Variants in ZNF208 observed in about 807,000 individuals in gnomAD.
ZNF208 encodes zinc finger protein 95.
A neutral mutation model predicts 12.1 loss-of-function variants in ZNF208; 10 were observed. The ratio of observed to expected loss-of-function variants is 0.83; its 90% CI spans 0.51 to 1.40. ZNF208 has a LOEUF of 1.40. Among genes scored for constraint, ZNF208 ranks in the 40% most tolerant of loss-of-function variants. The probability of loss-of-function intolerance (pLI) is 0.00; values close to 1 mark genes in which losing one functional copy is unlikely to be tolerated. For synonymous variants in ZNF208, 497 were observed against 488.4 expected (o/e 1.02, Z -0.23); for missense variants, 1,652 against 1,485.0 (o/e 1.11, Z -1.85).
intron 1 of ZNF208, among the ~76,000 whole-genome samples, chr19:22,002,945 A>G (rs1410984425): frequency 2.0e-5 from 3 of 152,198 alleles, no homozygotes; most frequent in African/African-American, 7.2e-5. Flanking sequence ...CTGACTTCAA[A>G]CTACACAACA....
At chr19:21,957,726 T>A (rs1416916300) in intron 4 of ZNF208, among the ~76,000 whole-genome samples, 1 of 152,216 alleles carries the variant, frequency 6.6e-6, no homozygotes, top group African/African-American at 2.4e-5. Context: ...GAGAGATAGT[T>A]ACTCTTGCTG....
At chr19:22,001,391 C>T (rs954416548) in intron 1 of ZNF208, among the ~76,000 whole-genome samples, 8 of 152,074 alleles carry the variant, frequency 5.3e-5, no homozygotes, top group African/African-American at 1.9e-4. Flanking sequence ...AAGCTCAGGA[C>T]CAGACATACT....
At chr19:21,965,800 G>GAAAA (rs141202375), downstream of ZNF208, 1 of 145,796 alleles carries the variant, frequency 6.9e-6, no homozygotes, top group African/African-American at 2.5e-5. Context: ...AGTTCATTCT[G>GAAAA]AAAAAAAAAA....
In ZNF208 at chr19:21,943,550, ATACACAGGAGGATCCTGATCCTCAAC is replaced by A. The variant is rs1386700005; in HGVS notation, c.306-10339_306-10314del. Among the ~76,000 whole-genome samples the A allele has an allele frequency of 7.2e-5, 11 of 152,368 alleles. No individual in the cohort carries two copies. The South Asian group carries it at 2.3e-3, about 32-fold the overall frequency. ...AAGAATAATAAATGTAAAAGTCTTTATACACAGGAGGATCCTGATCCTCAACTAAACATATGTGGCAACCCATTCCT... is the reference window on the plus strand; with the variant it reads ...AAGAATAATAAATGTAAAAGTCTTTATAAACATATGTGGCAACCCATTCCT... On this transcript the variant is annotated intron_variant, in intron 4 of 4. Coordinates refer to the ZNF208 transcript ENST00000599916.
chr19:21,982,804 T>C (rs1342633980), intron 3 of ZNF208, among the ~76,000 whole-genome samples: 8 of 152,166 alleles, frequency 5.3e-5, no homozygotes, highest in Admixed American at 5.2e-4. Context: ...AAAAACTGGC[T>C]AGCCATATGC....
At chr19:21,975,318 C>T (rs753985054) in intron 3 of ZNF208, among the ~76,000 whole-genome samples, 1 of 152,164 alleles carries the variant, frequency 6.6e-6, no homozygotes, top group South Asian at 2.1e-4. Context: ...CAGTTTGAGT[C>T]TGCTGAGACC....
rs372068312 is a variant in ZNF208 at position 21,972,535 on chromosome 19, G to A, written c.2499C>T (p.Tyr833=). Residue 833 remains tyrosine (Y), a synonymous_variant, in exon 4 of 4, where the codon TAC becomes TAT. Coordinates refer to ENST00000397126, the MANE Select transcript of ZNF208 (RefSeq NM_007153.3). Reference sequence around the variant, plus strand: ...AGGCTTTGCCACATTCTTTACATTTGTAGGGCTTTTCTCCAGCATGAATTG... The same window carrying A: ...AGGCTTTGCCACATTCTTTACATTTATAGGGCTTTTCTCCAGCATGAATTG... ...HKAIHAGEKP[Y]KCKECGKAFS... is the part of the protein sequence containing the mutation. The A allele has an allele frequency of 6.2e-7, 1 of 1,613,116 alleles. No homozygotes were observed. Among genetic ancestry groups the A allele is most frequent in the East Asian group, 2.2e-5 (1 of 44,794 alleles).
At chr19:21,956,183 A>G (rs1969972715) in intron 4 of ZNF208, among the ~76,000 whole-genome samples, 1 of 152,154 alleles carries the variant, frequency 6.6e-6, no homozygotes, top group Non-Finnish European at 1.5e-5. Flanking sequence ...TTGCTGCCTG[A>G]TCCTTCCTCT....
chr19:21,973,953 C>T lies in ZNF208; in HGVS notation c.1081G>A (p.Val361Ile). 1 of 1,612,630 alleles carries T rather than the reference C, an allele frequency of 6.2e-7. No individual in the cohort carries two copies. The highest frequency in any genetic ancestry group is 1.1e-5 in the South Asian group (1 of 90,962). Residue 361 changes from valine to isoleucine, a missense_variant, in exon 4 of 4, where the codon GTA becomes ATA. Physicochemically the swap from Val to Ile is conservative, Grantham distance 29. Coordinates refer to ENST00000397126, the MANE Select transcript of ZNF208 (RefSeq NM_007153.3). ...TAGGGTTTCTCTCCAGTATGAATTA[C>T]CTTATGTTTAGTAAGGATTGAGAAC... ...SKFSILTKHK[V>I]IHTGEKPYKC...
intron 4 of ZNF208, among the ~76,000 whole-genome samples, chr19:21,945,623 G>A (rs1969804680): frequency 6.6e-6 from 1 of 151,930 alleles, no homozygotes; most frequent in African/African-American, 2.4e-5. Context: ...AAAATTTGAT[G>A]GTCAAATACA....
chr19:21,948,955 A>G (rs575608919), intron 4 of ZNF208, among the ~76,000 whole-genome samples: 9 of 152,234 alleles, frequency 5.9e-5, no homozygotes, highest in Non-Finnish European at 1.2e-4. Context: ...AGTGGAAAAG[A>G]AAACACTTCC....
chr19:21,988,854 C>G lies in ZNF208; in HGVS notation c.59G>C (p.Cys20Ser). Residue 20 changes from cysteine to serine, a missense_variant, in exon 2 of 4, where the codon TGC becomes TCC. By Grantham distance (112) the Cys-to-Ser change is moderately radical. Around this residue, in one of 3 missense-constraint regions of ZNF208, gnomAD observed 410 missense variants for 378.2 expected, o/e 1.08. Transcript: ENST00000397126. ...AIEFSLEEWQ[C>S]LDTAQQNLYR... ...TAAATTCTGCTGTGCAGTGTCCAGG[C>G]ATTGCCACTCCTCCAGAGAGAATTC... 1 of 1,614,114 alleles carries G rather than the reference C, an allele frequency of 6.2e-7. No homozygotes were observed. Among genetic ancestry groups the G allele is most frequent in the South Asian group, 1.1e-5 (1 of 91,084 alleles).
chr19:21,946,469 G>A (rs1378888036), intron 4 of ZNF208, among the ~76,000 whole-genome samples: 1 of 152,174 alleles, frequency 6.6e-6, no homozygotes, highest in Non-Finnish European at 1.5e-5. Flanking sequence ...CTCCCTCTCT[G>A]CTGGAGTAGG....
At chr19:21,996,288 G>A (rs1414638847) in intron 1 of ZNF208, among the ~76,000 whole-genome samples, 1 of 152,172 alleles carries the variant, frequency 6.6e-6, no homozygotes, top group East Asian at 1.9e-4. Flanking sequence ...GGAACAGTGA[G>A]TGAGCTGATA....
At chr19:21,980,643 C>A (rs1214492118) in intron 3 of ZNF208, among the ~76,000 whole-genome samples, 1 of 152,046 alleles carries the variant, frequency 6.6e-6, no homozygotes, top group Non-Finnish European at 1.5e-5. Flanking sequence ...ACCCTAACAT[C>A]ACAATGAAAA....
At chr19:22,005,485 G>A (rs1971028456) in intron 1 of ZNF208, among the ~76,000 whole-genome samples, 1 of 152,080 alleles carries the variant, frequency 6.6e-6, no homozygotes, top group African/African-American at 2.4e-5. Context: ...AATCTGCAGA[G>A]TTTGATGAAC....
chr19:21,951,535 T>C (rs1159289591), intron 4 of ZNF208, among the ~76,000 whole-genome samples: 1 of 152,228 alleles, frequency 6.6e-6, no homozygotes, highest in Non-Finnish European at 1.5e-5. Flanking sequence ...TGTAAAAATA[T>C]TAACTAAATT....
Position 21,952,140 on chromosome 19 carries a change from G to T in ZNF208, c.306-18903C>A, listed in dbSNP as rs140598070. ...GAGGCTTGAGTAGCTAAACGAAGTG[G>T]CCGGGAAGCTTGAACTGGGTGGAGC... is the stretch of plus-strand genomic sequence containing the variant. On this transcript the variant is annotated intron_variant, in intron 4 of 4. Coordinates refer to the ZNF208 transcript ENST00000599916. Among the ~76,000 whole-genome samples, 1,176 of 152,324 alleles carry T rather than the reference G, an allele frequency of 7.7e-3. 9 individuals carry two copies. Among genetic ancestry groups the T allele is most frequent in the African/African-American group, 0.026 (1,102 of 41,586 alleles).
intron 4 of ZNF208, among the ~76,000 whole-genome samples, chr19:21,952,082 A>G (rs1362813395): frequency 1.3e-5 from 2 of 152,228 alleles, no homozygotes; most frequent in African/African-American, 4.8e-5. Context: ...GCAACGCAGC[A>G]GCCTGGCTAG....
Sources: allele counts gnomAD v4.1 joint callset (sites outside exome capture counted in the v4.1 genomes callset), GRCh38; gene constraint gnomAD v4.1.1; regional missense constraint gnomAD v4.1.1; transcripts MANE v1.5; gene names NCBI Gene and HGNC (gene_info 2026-07-23, HGNC 2026-07-21).